The following SNTG1 variants were observed in gnomAD, a reference collection of about 807,000 sequenced individuals.
SNTG1 encodes the protein syntrophin gamma 1.
A neutral mutation model predicts 74.7 loss-of-function variants in SNTG1; 39 were observed. The ratio of observed to expected loss-of-function variants is 0.52; its 90% CI spans 0.40 to 0.68. SNTG1 has a LOEUF of 0.68. Ranked by LOEUF, SNTG1 falls within the 30% of genes least tolerant of loss-of-function variation. The probability of loss-of-function intolerance (pLI) is 0.00; values close to 1 mark genes in which losing one functional copy is unlikely to be tolerated. For missense variants in SNTG1, 685 were observed against 609.5 expected (o/e 1.12, Z -1.30); for synonymous variants, 254 against 217.1 (o/e 1.17, Z -1.49).
intron 1 of SNTG1, among the ~76,000 whole-genome samples, chr8:50,041,490 T>G (rs982156558): frequency 6.6e-6 from 1 of 152,228 alleles, no homozygotes; most frequent in Non-Finnish European, 1.5e-5. Flanking sequence ...ACACTAAGCA[T>G]TGTATTCAAT....
intron 4 of SNTG1, among the ~76,000 whole-genome samples, chr8:50,433,479 G>GT (rs11444705): frequency 0.59 from 83,118 of 141,840 alleles, 26,959 homozygotes; most frequent in East Asian, 0.81. Flanking sequence ...TGAGTTTTCT[G>GT]TTTTTTTTTT....
intron 1 of SNTG1, chr8:50,163,491 T>C (rs2082501455): frequency 6.6e-6 from 1 of 151,104 alleles, no homozygotes; most frequent in Non-Finnish European, 1.5e-5. Flanking sequence ...CTTTTTTTTT[T>C]TTTTTAGACG....
intron 1 of SNTG1, among the ~76,000 whole-genome samples, chr8:50,103,462 T>G (rs952230932): frequency 1.3e-5 from 2 of 152,228 alleles, no homozygotes; most frequent in Admixed American, 6.5e-5. Flanking sequence ...GATTTTGGGC[T>G]GAGATGATGG....
rs187769975 is a variant in SNTG1 at position 50,303,202 on chromosome 8, A to G, written c.-27-91010A>G. Reference sequence around the variant, plus strand: ...ACAATGGACTCCCTGATTATTTATTAAGTTAGTTAATTAGATATTAACCTC... The same window carrying G: ...ACAATGGACTCCCTGATTATTTATTGAGTTAGTTAATTAGATATTAACCTC... On this transcript the variant is annotated intron_variant, in intron 2 of 18. Transcript: ENST00000642720. Among the ~76,000 whole-genome samples the G allele has an allele frequency of 1.5e-3, 231 of 152,254 alleles. 1 individual carries two copies. Among genetic ancestry groups the G allele is most frequent in the African/African-American group, 5.3e-3 (222 of 41,558 alleles).
chr8:50,788,943 G>A (rs2095683618), intron 18 of SNTG1, among the ~76,000 whole-genome samples: 7 of 151,928 alleles, frequency 4.6e-5, no homozygotes, highest in Admixed American at 4.6e-4. Flanking sequence ...TTCTACAATT[G>A]TCCTCAGATT....
intron 2 of SNTG1, among the ~76,000 whole-genome samples, chr8:50,323,806 C>G (rs2130830146): frequency 6.6e-6 from 1 of 151,884 alleles, no homozygotes; most frequent in East Asian, 2.0e-4. Flanking sequence ...TCCCCAGTCC[C>G]TGAACATGTC....
intron 13 of SNTG1, among the ~76,000 whole-genome samples, chr8:50,650,048 G>C (rs114257909): frequency 0.01 from 1,557 of 151,246 alleles, 33 homozygotes; most frequent in African/African-American, 0.035. Flanking sequence ...TGGTGGTAGT[G>C]TATATTCCTG....
chr8:50,314,293 T>G (rs1473155154), intron 2 of SNTG1, among the ~76,000 whole-genome samples: 1 of 149,834 alleles, frequency 6.7e-6, no homozygotes, highest in Non-Finnish European at 1.5e-5. Flanking sequence ...GTTTTCCTTT[T>G]TATCTCTTGT....
intron 18 of SNTG1, among the ~76,000 whole-genome samples, chr8:50,782,528 G>T (rs1461526008): frequency 1.3e-5 from 2 of 152,058 alleles, no homozygotes; most frequent in African/African-American, 4.8e-5. Flanking sequence ...TCTTCACATA[G>T]TTCTTGAGCC....
At chr8:50,398,062 CCTT>C (rs1244389371) in intron 3 of SNTG1, among the ~76,000 whole-genome samples, 50 of 152,290 alleles carry the variant, frequency 3.3e-4, no homozygotes, top group African/African-American at 1.2e-3. Context: ...TGGAGTTTAT[CCTT>C]CTTCTTGCAT....
chr8:49,986,645 G>A (rs1813180955), intron 1 of SNTG1, among the ~76,000 whole-genome samples: 1 of 151,532 alleles, frequency 6.6e-6, no homozygotes, highest in African/African-American at 2.4e-5. Context: ...GGCCAAGGAG[G>A]GCAGATTGCT....
intron 2 of SNTG1, among the ~76,000 whole-genome samples, chr8:50,221,777 C>A (rs1206099797): frequency 1.3e-5 from 2 of 152,110 alleles, no homozygotes; most frequent in Non-Finnish European, 2.9e-5. Flanking sequence ...TTAGCATATC[C>A]ATTTAACAAT....
At chr8:50,526,087 C>A (rs111270560) in intron 9 of SNTG1, among the ~76,000 whole-genome samples, 2,078 of 152,158 alleles carry the variant, frequency 0.014, 36 homozygotes, top group Non-Finnish European at 0.02. Context: ...TTGTTGGTTT[C>A]TTTTTCCTGA....
chr8:50,759,576 C>T (rs1356025865), intron 18 of SNTG1, among the ~76,000 whole-genome samples: 1 of 151,964 alleles, frequency 6.6e-6, no homozygotes, highest in East Asian at 1.9e-4. Flanking sequence ...ATCCCTTCCC[C>T]ATTGCTTGTT....
chr8:50,261,146 G>GA (rs1278053813), intron 2 of SNTG1, among the ~76,000 whole-genome samples: 1 of 152,188 alleles, frequency 6.6e-6, no homozygotes, highest in African/African-American at 2.4e-5. Context: ...AAAAAAACAT[G>GA]AAAAAGTGAG....
chr8:50,708,747 A>G, intron 16 of SNTG1, 139 bp from the exon 17 acceptor site: 1 of 591,042 alleles, frequency 1.7e-6, no homozygotes, highest in East Asian at 2.8e-5. Context: ...TGTTGATAAT[A>G]CTCCCTTCTT....
intron 15 of SNTG1, among the ~76,000 whole-genome samples, chr8:50,667,988 T>C (rs985119220): frequency 2.0e-5 from 3 of 152,054 alleles, no homozygotes; most frequent in Non-Finnish European, 1.5e-5. Flanking sequence ...ACTTAGGTTT[T>C]AGTGTTGCTG....
chr8:50,751,737 C>T (rs1453939745), intron 17 of SNTG1, among the ~76,000 whole-genome samples: 1 of 151,896 alleles, frequency 6.6e-6, no homozygotes, highest in Non-Finnish European at 1.5e-5. Context: ...TGACTGTGCA[C>T]ATAAGACAAG....
At chr8:50,458,844 A>AT (rs1487428481) in intron 8 of SNTG1, among the ~76,000 whole-genome samples, 2 of 152,126 alleles carry the variant, frequency 1.3e-5, no homozygotes, top group Middle Eastern at 3.4e-3. Flanking sequence ...ATTCGCAAAT[A>AT]TTTTTTCCTA....
Sources: allele counts gnomAD v4.1 joint callset (sites outside exome capture counted in the v4.1 genomes callset), GRCh38; gene constraint gnomAD v4.1.1; transcripts MANE v1.5; gene names NCBI Gene and HGNC (gene_info 2026-07-23, HGNC 2026-07-21).